SLC24A4: variants seen among roughly 807,000 people sequenced by gnomAD.
The protein encoded by SLC24A4 is sodium/potassium/calcium exchanger 4.
Under a neutral mutation model 79.0 loss-of-function variants are expected in SLC24A4, and 53 were observed. The ratio of observed to expected loss-of-function variants is 0.67; its 90% confidence interval spans 0.54 to 0.84. The LOEUF (loss-of-function observed/expected upper bound fraction) is 0.84, where lower values mean the gene tolerates loss of function less well. Among genes scored for constraint, SLC24A4 ranks in the 40% least tolerant of loss-of-function variants. SLC24A4 has a pLI of 0.00. For missense variants in SLC24A4, 731 were observed against 822.0 expected (o/e 0.89, Z 1.35); for synonymous variants, 323 against 323.8 (o/e 1.00, Z 0.03).
chr14:92,385,972 G>A (rs533021143), intron 2 of SLC24A4, among the ~76,000 whole-genome samples: 2 of 152,306 alleles, frequency 1.3e-5, no homozygotes, highest in South Asian at 4.1e-4. Flanking sequence ...AAGAGTTTCC[G>A]GATGGATGGC....
intron 2 of SLC24A4, among the ~76,000 whole-genome samples, chr14:92,378,407 G>A (rs1888641935): frequency 6.6e-6 from 1 of 152,160 alleles, no homozygotes; most frequent in Non-Finnish European, 1.5e-5. Flanking sequence ...AATGTATGGG[G>A]TTCTCATCAC....
chr14:92,378,705 A>G (rs1488321803), intron 2 of SLC24A4, among the ~76,000 whole-genome samples: 3 of 152,186 alleles, frequency 2.0e-5, no homozygotes, highest in Non-Finnish European at 4.4e-5. Flanking sequence ...TTTTCAATCA[A>G]TGTATTAAAG....
intron 12 of SLC24A4, among the ~76,000 whole-genome samples, chr14:92,472,741 TA>T (rs1894508971): frequency 1.3e-5 from 2 of 152,234 alleles, no homozygotes; most frequent in African/African-American, 4.8e-5. Flanking sequence ...TGTACTGCCA[TA>T]AACATGTGTA....
chr14:92,436,596 C>T (rs922363396), intron 3 of SLC24A4, among the ~76,000 whole-genome samples: 2 of 152,180 alleles, frequency 1.3e-5, no homozygotes, highest in Non-Finnish European at 2.9e-5. Flanking sequence ...GCTGACCTCT[C>T]GTTTTTTCTT....
At chr14:92,461,248 G>A (rs558249445) in intron 12 of SLC24A4, among the ~76,000 whole-genome samples, 1 of 152,204 alleles carries the variant, frequency 6.6e-6, no homozygotes, top group Non-Finnish European at 1.5e-5. Flanking sequence ...TTACCAGGAC[G>A]CTGGCCTTCG....
At chr14:92,374,797 T>C (rs1888411468) in intron 2 of SLC24A4, among the ~76,000 whole-genome samples, 1 of 152,228 alleles carries the variant, frequency 6.6e-6, no homozygotes, top group Non-Finnish European at 1.5e-5. Context: ...TTGGGTGCAA[T>C]ATTTTGCAAT....
At chr14:92,440,437 T>A (rs1253864840) in intron 4 of SLC24A4, among the ~76,000 whole-genome samples, 35 of 152,038 alleles carry the variant, frequency 2.3e-4, no homozygotes, top group Admixed American at 2.3e-3. Context: ...TTATTAAGTG[T>A]TGTTGCTTCT....
At position 92,474,843 on chromosome 14, in the gene SLC24A4, G is replaced by GTATATATATATATATATATATA. The variant is rs1555374575; in HGVS notation, c.1256-7816_1256-7815insATATATATATATATATATATAT. On this transcript the variant is annotated intron_variant, in intron 12 of 16. Coordinates refer to ENST00000532405, the MANE Select transcript of SLC24A4 (RefSeq NM_153646.4). ...TATACATATATATGTGTGTGTGTGT[G>GTATATATATATATATATATATA]TATATATATATATATATATATTTTT... is the stretch of plus-strand genomic sequence containing the variant. Among the ~76,000 whole-genome samples the GTATATATATATATATATATATA allele has an allele frequency of 5.9e-4, 14 of 23,882 alleles. No individual in the cohort carries two copies. The East Asian group carries it at 6.9e-3, about 12-fold the overall frequency. The allele number at this position is 23,882 out of a possible 152,430, so 15.7% of individuals were successfully genotyped here.
At chr14:92,483,873 G>A (rs539755016) in intron 13 of SLC24A4, 18 of 1,289,334 alleles carry the variant, frequency 1.4e-5, no homozygotes, top group East Asian at 5.5e-5. Flanking sequence ...GAAGGCAAGC[G>A]ATCTTGACAT....
At chr14:92,341,457 G>A (rs1239672339) in intron 2 of SLC24A4, among the ~76,000 whole-genome samples, 10 of 152,186 alleles carry the variant, frequency 6.6e-5, no homozygotes, top group Admixed American at 5.9e-4. Flanking sequence ...TGTCGATAAA[G>A]GCGATTAATG....
At chr14:92,361,652 G>A (rs1317228485) in intron 2 of SLC24A4, among the ~76,000 whole-genome samples, 1 of 152,176 alleles carries the variant, frequency 6.6e-6, no homozygotes, top group Non-Finnish European at 1.5e-5. Flanking sequence ...GAGAAATAGT[G>A]CACAAGCGTA....
intron 2 of SLC24A4, among the ~76,000 whole-genome samples, chr14:92,380,354 C>T (rs368905348): frequency 2.0e-5 from 3 of 152,274 alleles, no homozygotes; most frequent in African/African-American, 4.8e-5. Context: ...GGGGTTTGGT[C>T]AGTTAGGAAG....
At chr14:92,491,183 G>A (rs958714215) in intron 14 of SLC24A4, among the ~76,000 whole-genome samples, 4 of 152,046 alleles carry the variant, frequency 2.6e-5, no homozygotes, top group South Asian at 2.1e-4. Flanking sequence ...TATTTATCCC[G>A]CTATTTATTT....
chr14:92,400,266 C>T (rs1262045012), intron 2 of SLC24A4, among the ~76,000 whole-genome samples: 2 of 151,922 alleles, frequency 1.3e-5, no homozygotes, highest in Admixed American at 6.6e-5. Flanking sequence ...TGGTGAAACC[C>T]CGTCTCTACT....
At chr14:92,394,713 A>G (rs875918) in intron 2 of SLC24A4, among the ~76,000 whole-genome samples, 40,098 of 152,160 alleles carry the variant, frequency 0.26, 5,502 homozygotes, top group Middle Eastern at 0.37. Context: ...ACTGGGTTCT[A>G]TTATTTCAGC....
At chr14:92,477,031 A>G (rs1894801275) in intron 12 of SLC24A4, among the ~76,000 whole-genome samples, 1 of 152,194 alleles carries the variant, frequency 6.6e-6, no homozygotes, top group African/African-American at 2.4e-5. Context: ...AAGTTTTGGT[A>G]TGGACATATA....
At chr14:92,443,542 A>G in intron 7 of SLC24A4, 68 bp downstream of exon 7, 3 of 1,496,008 alleles carry the variant, frequency 2.0e-6, no homozygotes, top group East Asian at 4.5e-5. Flanking sequence ...ACCCCTGCCC[A>G]TCTCTGCCCC....
intron 2 of SLC24A4, among the ~76,000 whole-genome samples, chr14:92,385,481 G>A (rs1889099647): frequency 6.8e-6 from 1 of 147,814 alleles, no homozygotes; most frequent in Non-Finnish European, 1.5e-5. Flanking sequence ...TGGCGACAGA[G>A]CGAGACTCCG....
chr14:92,395,092 A>G (rs1271604289), intron 2 of SLC24A4, among the ~76,000 whole-genome samples: 1 of 152,172 alleles, frequency 6.6e-6, no homozygotes, highest in Non-Finnish European at 1.5e-5. Flanking sequence ...CGGATAAGGG[A>G]CTTGGCTCGG....
Sources: gnomAD v4.1 joint callset for allele counts (sites outside exome capture counted in the v4.1 genomes callset) on GRCh38, gnomAD v4.1.1 for gene constraint, MANE v1.5 for transcripts, NCBI Gene and HGNC (gene_info 2026-07-23, HGNC 2026-07-21) for gene names.